Variants in SLC35F4 observed in about 807,000 individuals in gnomAD.
SLC35F4 encodes solute carrier family 35 member F4.
SLC35F4 carries 24 observed loss-of-function variants against 44.2 expected under a neutral mutation model. The observed-to-expected ratio is 0.54, with a 90% CI of 0.39 to 0.76. SLC35F4 has a LOEUF of 0.76. Ranked by LOEUF, SLC35F4 falls within the 30% of genes least tolerant of loss-of-function variation. The pLI is 0.00. For synonymous variants in SLC35F4, 238 were observed against 223.6 expected (o/e 1.06, Z -0.57); for missense variants, 562 against 586.1 (o/e 0.96, Z 0.42).
At position 57,856,847 on chromosome 14, in the gene SLC35F4, G is replaced by A. The variant is rs139505872; in HGVS notation, c.103+8876C>T. ...AATTTCATAACTTGTTCCAGTGAAA[G>A]TGCATAAGAGTTATACAGTATTAAT... On this transcript the variant is annotated intron_variant, in intron 1 of 7. Transcript: ENST00000556826. Among the ~76,000 whole-genome samples the A allele has an allele frequency of 1.4e-4, 22 of 152,170 alleles. No individual in the cohort carries two copies. The East Asian group carries it at 4.2e-3, about 29-fold the overall frequency.
chr14:57,580,740 T>C (rs1594929163), intron 4 of SLC35F4, among the ~76,000 whole-genome samples: 2 of 152,252 alleles, frequency 1.3e-5, no homozygotes, highest in Admixed American at 1.3e-4. Context: ...AACAGCATTG[T>C]GCCATTACCA....
intron 1 of SLC35F4, among the ~76,000 whole-genome samples, chr14:57,682,933 C>G (rs1196499631): frequency 6.6e-6 from 1 of 152,152 alleles, no homozygotes; most frequent in Admixed American, 6.5e-5. Flanking sequence ...CCAAACACTT[C>G]ATTCCACTCC....
intron 1 of SLC35F4, chr14:57,630,187 T>G: frequency 1.8e-6 from 1 of 563,340 alleles, no homozygotes; most frequent in East Asian, 4.6e-5. Flanking sequence ...CTAAATCAGA[T>G]GAAAGCCAAG....
At chr14:57,855,587 A>C (rs183037835) in intron 1 of SLC35F4, among the ~76,000 whole-genome samples, 42 of 152,326 alleles carry the variant, frequency 2.8e-4, no homozygotes, top group African/African-American at 9.9e-4. Flanking sequence ...TTACACTGTT[A>C]GTGGGAGTGT....
intron 1 of SLC35F4, among the ~76,000 whole-genome samples, chr14:57,905,732 A>G (rs1278624604): frequency 2.0e-5 from 3 of 152,298 alleles, no homozygotes; most frequent in African/African-American, 2.4e-5. Flanking sequence ...ACTGAAAACA[A>G]TAGCAGTTAA....
intron 1 of SLC35F4, among the ~76,000 whole-genome samples, chr14:57,803,026 C>T (rs767351384): frequency 1.3e-4 from 19 of 149,554 alleles, no homozygotes; most frequent in Non-Finnish European, 2.4e-4. Flanking sequence ...GGCCAATATC[C>T]TTGATGAACA....
intron 1 of SLC35F4, among the ~76,000 whole-genome samples, chr14:57,849,440 G>C (rs1886347193): frequency 6.6e-6 from 1 of 151,798 alleles, no homozygotes; most frequent in Non-Finnish European, 1.5e-5. Flanking sequence ...GGGATTATAG[G>C]CATGAGCCAC....
chr14:57,655,021 C>A (rs974044172), intron 1 of SLC35F4, among the ~76,000 whole-genome samples: 2 of 152,104 alleles, frequency 1.3e-5, no homozygotes, highest in Non-Finnish European at 1.5e-5. Context: ...CTCCTCAGAG[C>A]TTCCCTTGAA....
At chr14:57,747,686 C>A (rs1029549842) in intron 1 of SLC35F4, among the ~76,000 whole-genome samples, 2 of 152,258 alleles carry the variant, frequency 1.3e-5, no homozygotes, top group South Asian at 2.1e-4. Context: ...GATTAGAATT[C>A]TATTCTTATA....
At chr14:57,630,525 C>T in intron 1 of SLC35F4, 1 of 1,127,188 alleles carries the variant, frequency 8.9e-7, no homozygotes, top group Non-Finnish European at 1.3e-6. Flanking sequence ...AGAGGCACCT[C>T]AAAAATAGAT....
intron 1 of SLC35F4, among the ~76,000 whole-genome samples, chr14:57,635,161 G>A (rs2072963088): frequency 6.6e-6 from 1 of 151,348 alleles, no homozygotes; most frequent in East Asian, 2.0e-4. Flanking sequence ...CAGGAGGATT[G>A]CTTGAGCTCA....
At chr14:57,659,248 A>G (rs891907884) in intron 1 of SLC35F4, among the ~76,000 whole-genome samples, 1 of 152,190 alleles carries the variant, frequency 6.6e-6, no homozygotes, top group Non-Finnish European at 1.5e-5. Flanking sequence ...TGTGAAAAGG[A>G]ATCCCAAGGG....
chr14:57,743,747 C>G (rs1249670734), intron 1 of SLC35F4, among the ~76,000 whole-genome samples: 1 of 152,106 alleles, frequency 6.6e-6, no homozygotes, highest in African/African-American at 2.4e-5. Context: ...CATCCTGAAA[C>G]CAAAGGCTGG....
chr14:57,847,379 G>T (rs1030984815), intron 1 of SLC35F4, among the ~76,000 whole-genome samples: 8 of 152,120 alleles, frequency 5.3e-5, no homozygotes, highest in African/African-American at 1.9e-4. Context: ...ATACTGGTAA[G>T]GGATAAGAGA....
intron 1 of SLC35F4, among the ~76,000 whole-genome samples, chr14:57,595,509 G>A (rs1013715316): frequency 6.6e-6 from 1 of 152,142 alleles, no homozygotes; most frequent in Non-Finnish European, 1.5e-5. Context: ...AGGGTGCTAA[G>A]CCTCACTTTC....
At chr14:57,813,240 C>T (rs1356927766) in intron 1 of SLC35F4, among the ~76,000 whole-genome samples, 1 of 152,214 alleles carries the variant, frequency 6.6e-6, no homozygotes, top group East Asian at 1.9e-4. Context: ...GGGCACTCTG[C>T]AGTATGGCCC....
At chr14:57,780,784 G>A (rs1401164561) in intron 1 of SLC35F4, among the ~76,000 whole-genome samples, 1 of 151,920 alleles carries the variant, frequency 6.6e-6, no homozygotes, top group Non-Finnish European at 1.5e-5. Context: ...CAAGGGAACA[G>A]AATAGAGAGT....
chr14:57,729,334 G>C (rs1199618227), intron 1 of SLC35F4, among the ~76,000 whole-genome samples: 2 of 152,226 alleles, frequency 1.3e-5, no homozygotes, highest in East Asian at 3.9e-4. Context: ...AGCCACAAGA[G>C]CTGGAAATGT....
chr14:57,720,269 T>C (rs771479084), intron 1 of SLC35F4, among the ~76,000 whole-genome samples: 4 of 152,210 alleles, frequency 2.6e-5, no homozygotes, highest in Non-Finnish European at 5.9e-5. Context: ...TCACTATTCA[T>C]AATATAGGTT....
Sources: allele counts gnomAD v4.1 joint callset (sites outside exome capture counted in the v4.1 genomes callset), GRCh38; gene constraint gnomAD v4.1.1; transcripts MANE v1.5; gene names NCBI Gene and HGNC (gene_info 2026-07-23, HGNC 2026-07-21).